Variants in FAM135B observed in about 807,000 individuals in gnomAD.
FAM135B encodes protein FAM135B.
A neutral mutation model predicts 127.7 loss-of-function variants in FAM135B; 43 were observed. The observed-to-expected ratio is 0.34, with a 90% confidence interval of 0.26 to 0.43. The LOEUF (loss-of-function observed/expected upper bound fraction) is 0.43. Ranked by LOEUF, FAM135B falls within the 20% of genes least tolerant of loss-of-function variation. The pLI is 1.00. For missense variants in FAM135B, 1,558 were observed against 1,725.6 expected (o/e 0.90, Z 1.72); for synonymous variants, 670 against 665.1 (o/e 1.01, Z -0.11).
intron 17 of FAM135B, among the ~76,000 whole-genome samples, chr8:138,140,189 A>C: frequency 6.6e-6 from 1 of 152,174 alleles, no homozygotes; most frequent in East Asian, 1.9e-4. Flanking sequence ...GTGTCGGATA[A>C]CTCATGTTCA....
intron 5 of FAM135B, among the ~76,000 whole-genome samples, chr8:138,254,461 G>C (rs1821925513): frequency 6.6e-6 from 1 of 152,202 alleles, no homozygotes; most frequent in African/African-American, 2.4e-5. Flanking sequence ...TTGGAAGGAA[G>C]TGGAACAGAG....
At chr8:138,379,678 C>G (rs1831717146) in intron 1 of FAM135B, among the ~76,000 whole-genome samples, 1 of 152,082 alleles carries the variant, frequency 6.6e-6, no homozygotes, top group African/African-American at 2.4e-5. Flanking sequence ...GATGTAGGTT[C>G]CCATCTTCTC....
intron 1 of FAM135B, among the ~76,000 whole-genome samples, chr8:138,464,006 T>C (rs964450642): frequency 6.6e-6 from 1 of 152,148 alleles, no homozygotes; most frequent in Non-Finnish European, 1.5e-5. Context: ...ATCAGTACCT[T>C]GCATTTATTT....
At chr8:138,255,238 T>C (rs932475174) in intron 5 of FAM135B, among the ~76,000 whole-genome samples, 13 of 152,206 alleles carry the variant, frequency 8.5e-5, no homozygotes, top group East Asian at 3.9e-4. Context: ...TCTGCCAGCA[T>C]TGGCTCATCA....
chr8:138,161,977 C>G (rs550542561), intron 12 of FAM135B, among the ~76,000 whole-genome samples: 1 of 152,224 alleles, frequency 6.6e-6, no homozygotes, highest in Non-Finnish European at 1.5e-5. Flanking sequence ...GAGAATAGAA[C>G]AGAATTCCAA....
chr8:138,407,378 G>A (rs1187658460), intron 1 of FAM135B, among the ~76,000 whole-genome samples: 3 of 152,146 alleles, frequency 2.0e-5, no homozygotes, highest in Non-Finnish European at 4.4e-5. Context: ...AGCTACCAAT[G>A]ACTTTCTTCA....
At position 138,230,066 on chromosome 8, in the gene FAM135B, G is replaced by A. The variant is rs75169604; in HGVS notation, c.669+12876C>T. On this transcript the variant is annotated intron_variant, in intron 7 of 19. Transcript: ENST00000395297. Reference sequence around the variant, plus strand: ...AGCACATAAAATATTTTTCAGGGATGAGATATGTATCCACTGGCTAGAGTC... The same window carrying A: ...AGCACATAAAATATTTTTCAGGGATAAGATATGTATCCACTGGCTAGAGTC... Among the ~76,000 whole-genome samples, 128 of 152,276 alleles carry A rather than the reference G, an allele frequency of 8.4e-4. 2 individuals carry two copies. The East Asian group carries it at 0.022, about 27-fold the overall frequency.
intron 4 of FAM135B, 127 bp downstream of exon 4, chr8:138,265,576 A>G: frequency 9.9e-7 from 1 of 1,014,106 alleles, no homozygotes; most frequent in South Asian, 1.6e-5. Flanking sequence ...GTGCACTAAA[A>G]GCACTAATCT....
At chr8:138,178,096 A>AC (rs1394432022) in intron 10 of FAM135B, among the ~76,000 whole-genome samples, 3 of 151,892 alleles carry the variant, frequency 2.0e-5, no homozygotes, top group African/African-American at 7.3e-5. Context: ...AATACAAAAA[A>AC]AATTAGTCGG....
rs181710050 is a variant in FAM135B at position 138,212,928 on chromosome 8, G to A, written c.670-15259C>T. On this transcript the variant is annotated intron_variant, in intron 7 of 19. Transcript: ENST00000395297. Reference sequence around the variant, plus strand: ...TTTACTTTTATAATGTGGCTTGAAGGTCCGATTTTTTAAAAAAAATTACTA... The same window carrying A: ...TTTACTTTTATAATGTGGCTTGAAGATCCGATTTTTTAAAAAAAATTACTA... Among the ~76,000 whole-genome samples the A allele has an allele frequency of 1.8e-4, 27 of 152,168 alleles. No individual in the cohort carries two copies. The East Asian group carries it at 3.5e-3, about 20-fold the overall frequency.
chr8:138,415,791 G>T (rs35925122), intron 1 of FAM135B, among the ~76,000 whole-genome samples: 13,257 of 152,194 alleles, frequency 0.087, 990 homozygotes, highest in East Asian at 0.26. Flanking sequence ...GAATGACAGT[G>T]ACATAGTAAC....
At chr8:138,444,395 T>C (rs1215417207) in intron 1 of FAM135B, among the ~76,000 whole-genome samples, 1 of 152,166 alleles carries the variant, frequency 6.6e-6, no homozygotes, top group Admixed American at 6.5e-5. Context: ...GACCACATAG[T>C]TGGAAGTAAA....
chr8:138,349,867 C>T (rs1305037285), intron 2 of FAM135B, among the ~76,000 whole-genome samples: 1 of 152,192 alleles, frequency 6.6e-6, no homozygotes, highest in African/African-American at 2.4e-5. Context: ...ACATACCATT[C>T]ACCTGCCATA....
intron 1 of FAM135B, among the ~76,000 whole-genome samples, chr8:138,436,645 T>C (rs1416032345): frequency 6.6e-6 from 1 of 152,176 alleles, no homozygotes; most frequent in African/African-American, 2.4e-5. Context: ...CATGTCAACA[T>C]AGGTGGGCAT....
chr8:138,346,416 C>T (rs1264636875), intron 2 of FAM135B, among the ~76,000 whole-genome samples: 1 of 152,134 alleles, frequency 6.6e-6, no homozygotes, highest in Non-Finnish European at 1.5e-5. Flanking sequence ...TGGAATCAAC[C>T]CAAATGCCAA....
chr8:138,297,319 C>G (rs1040249207), intron 3 of FAM135B, among the ~76,000 whole-genome samples: 1 of 152,154 alleles, frequency 6.6e-6, no homozygotes, highest in African/African-American at 2.4e-5. Context: ...CAACATGACC[C>G]CACGAGACAG....
intron 12 of FAM135B, among the ~76,000 whole-genome samples, chr8:138,156,556 T>A (rs1407829445): frequency 6.6e-6 from 1 of 151,714 alleles, no homozygotes; most frequent in Non-Finnish European, 1.5e-5. Context: ...CTAGGAAGAC[T>A]AATAAAGAAG....
intron 1 of FAM135B, among the ~76,000 whole-genome samples, chr8:138,386,427 T>TA (rs1832222691): frequency 1.3e-5 from 2 of 152,024 alleles, no homozygotes; most frequent in African/African-American, 4.8e-5. Context: ...ACGATGCCCC[T>TA]AGCCAGTGAA....
intron 7 of FAM135B, among the ~76,000 whole-genome samples, chr8:138,225,704 G>A (rs1204497195): frequency 1.3e-5 from 2 of 152,152 alleles, no homozygotes; most frequent in African/African-American, 4.8e-5. Context: ...GGTCAGGGCA[G>A]AAGCTAAGCA....
Sources: gnomAD v4.1 joint callset for allele counts (sites outside exome capture counted in the v4.1 genomes callset) on GRCh38, gnomAD v4.1.1 for gene constraint, MANE v1.5 for transcripts, NCBI Gene and HGNC (gene_info 2026-07-23, HGNC 2026-07-21) for gene names.